The following TAFA1 variants were observed in gnomAD, a reference collection of about 807,000 sequenced individuals.
The protein encoded by TAFA1 is TAFA chemokine like family member 1.
Under a neutral mutation model 18.5 loss-of-function variants are expected in TAFA1, and 4 were observed. That is an observed-to-expected ratio of 0.22 (90% CI 0.11 to 0.49). The LOEUF (loss-of-function observed/expected upper bound fraction) is 0.49. Ranked by LOEUF, TAFA1 falls within the 20% of genes least tolerant of loss-of-function variation. The probability of loss-of-function intolerance (pLI) is 0.98; values close to 1 mark genes in which losing one functional copy is unlikely to be tolerated. For synonymous variants in TAFA1, 56 were observed against 55.2 expected (o/e 1.01, Z -0.06); for missense variants, 147 against 169.0 (o/e 0.87, Z 0.72).
At chr3:68,345,483 G>A (rs2069150698) in intron 2 of TAFA1, among the ~76,000 whole-genome samples, 1 of 152,148 alleles carries the variant, frequency 6.6e-6, no homozygotes, top group African/African-American at 2.4e-5. Context: ...TCTGACTCGA[G>A]GAAAATAGAA....
At chr3:68,067,134 C>T (rs1345862247) in intron 2 of TAFA1, among the ~76,000 whole-genome samples, 2 of 152,162 alleles carry the variant, frequency 1.3e-5, no homozygotes, top group African/African-American at 4.8e-5. Context: ...TGGAGTTCTA[C>T]AATGAGATTA....
At chr3:68,022,513 G>A (rs926799208) in intron 2 of TAFA1, among the ~76,000 whole-genome samples, 91 of 152,110 alleles carry the variant, frequency 6.0e-4, no homozygotes, top group African/African-American at 2.1e-3. Context: ...ACAGGTCAAA[G>A]TTTCAGTGAA....
At chr3:68,186,973 T>C (rs1319839130) in intron 2 of TAFA1, among the ~76,000 whole-genome samples, 4 of 151,826 alleles carry the variant, frequency 2.6e-5, no homozygotes, top group African/African-American at 9.7e-5. Flanking sequence ...GTGTGAAGTT[T>C]GTGGGAAAAA....
intron 3 of TAFA1, among the ~76,000 whole-genome samples, chr3:68,533,792 C>G (rs1022803616): frequency 3.9e-5 from 6 of 152,190 alleles, no homozygotes; most frequent in East Asian, 1.9e-4. Flanking sequence ...TTGCACTTAT[C>G]TGTTTAGAAA....
chr3:68,539,680 G>T (rs13319169), intron 4 of TAFA1, among the ~76,000 whole-genome samples: 19,159 of 36,980 alleles, frequency 0.52, 3,768 homozygotes, highest in South Asian at 0.66. Flanking sequence ...TGTGTGTGTG[G>T]GGGGGCATGG....
chr3:68,094,985 G>T (rs907367934), intron 2 of TAFA1, among the ~76,000 whole-genome samples: 2 of 152,152 alleles, frequency 1.3e-5, no homozygotes, highest in Middle Eastern at 3.2e-3. Context: ...TAGTTCCAGA[G>T]AATTACTCCT....
intron 3 of TAFA1, among the ~76,000 whole-genome samples, chr3:68,500,929 C>T (rs2072646167): frequency 6.6e-6 from 1 of 151,446 alleles, no homozygotes; most frequent in African/African-American, 2.4e-5. Flanking sequence ...ACTTTGGGAG[C>T]CTGAGGTGAG....
chr3:68,277,503 A>C (rs2067818628), intron 2 of TAFA1, among the ~76,000 whole-genome samples: 1 of 152,162 alleles, frequency 6.6e-6, no homozygotes, highest in African/African-American at 2.4e-5. Flanking sequence ...CAAAGGAAAA[A>C]AAAAGGCAGG....
intron 2 of TAFA1, among the ~76,000 whole-genome samples, chr3:68,402,365 C>T (rs17047633): frequency 2.0e-5 from 3 of 152,122 alleles, no homozygotes; most frequent in African/African-American, 4.8e-5. Context: ...TTCGGACGGC[C>T]TTAGACTTCT....
chr3:68,025,219 A>G (rs948942277), intron 2 of TAFA1, among the ~76,000 whole-genome samples: 1 of 152,126 alleles, frequency 6.6e-6, no homozygotes, highest in East Asian at 1.9e-4. Flanking sequence ...CTCAGATTTT[A>G]CACTCCATTC....
chr3:68,375,795 A>G lies in TAFA1; in HGVS notation c.119-41485A>G, dbSNP rs145945326. On this transcript the variant is annotated intron_variant, in intron 2 of 4. Transcript: ENST00000478136. ...CAGCCAAGTTTGAGACCATTGCTAT[A>G]GCCTATTTTTTGTATGTGCATATAT... Among the ~76,000 whole-genome samples, 97 of 152,284 alleles carry G rather than the reference A, an allele frequency of 6.4e-4. 1 individual carries two copies. The Middle Eastern group carries it at 0.014, about 21-fold the overall frequency.
chr3:68,208,693 C>T (rs1125275), intron 2 of TAFA1, among the ~76,000 whole-genome samples: 48,328 of 151,660 alleles, frequency 0.32, 8,109 homozygotes, highest in East Asian at 0.62. Context: ...ATTTCATCTC[C>T]CCACAGGAAA....
chr3:68,364,516 A>G (rs1233221532), intron 2 of TAFA1, among the ~76,000 whole-genome samples: 2 of 152,204 alleles, frequency 1.3e-5, no homozygotes, highest in Non-Finnish European at 2.9e-5. Flanking sequence ...GGGTAAAGAT[A>G]ATAAAGAGAA....
intron 2 of TAFA1, among the ~76,000 whole-genome samples, chr3:68,217,997 G>A (rs2066680297): frequency 6.6e-6 from 1 of 151,990 alleles, no homozygotes; most frequent in South Asian, 2.1e-4. Flanking sequence ...CATATGCTGT[G>A]TGCCTTCCTG....
At chr3:68,073,456 CTCTT>C (rs909863247) in intron 2 of TAFA1, among the ~76,000 whole-genome samples, 1 of 152,176 alleles carries the variant, frequency 6.6e-6, no homozygotes, top group Admixed American at 6.5e-5. Context: ...CACCTCCTAA[CTCTT>C]TCTTTTTCCT....
At chr3:68,342,279 T>C (rs1042406145) in intron 2 of TAFA1, among the ~76,000 whole-genome samples, 1 of 152,198 alleles carries the variant, frequency 6.6e-6, no homozygotes. Context: ...AAATCTAAGA[T>C]TTGCCATCTT....
chr3:68,425,715 A>C (rs1038509669), intron 3 of TAFA1, among the ~76,000 whole-genome samples: 2 of 151,978 alleles, frequency 1.3e-5, no homozygotes, highest in African/African-American at 4.8e-5. Flanking sequence ...TTCAGTCATC[A>C]TATGTATCTA....
At chr3:68,428,206 G>A (rs147763506) in intron 3 of TAFA1, among the ~76,000 whole-genome samples, 1 of 151,960 alleles carries the variant, frequency 6.6e-6, no homozygotes, top group East Asian at 1.9e-4. Context: ...GGACCACATG[G>A]GTAGCAGGAA....
chr3:68,162,913 G>C (rs2106942839), intron 2 of TAFA1, among the ~76,000 whole-genome samples: 1 of 152,282 alleles, frequency 6.6e-6, no homozygotes, highest in South Asian at 2.1e-4. Context: ...GTGCACTTTA[G>C]TGGCATAGAC....
Sources: allele counts gnomAD v4.1 joint callset (sites outside exome capture counted in the v4.1 genomes callset), GRCh38; gene constraint gnomAD v4.1.1; transcripts MANE v1.5; gene names NCBI Gene and HGNC (gene_info 2026-07-23, HGNC 2026-07-21).